The following ZFHX4 variants were observed in gnomAD, a reference collection of about 807,000 sequenced individuals.
ZFHX4 encodes zinc finger homeobox protein 4.
Under a neutral mutation model 267.6 loss-of-function variants are expected in ZFHX4, and 56 were observed. The observed-to-expected ratio is 0.21, with a 90% confidence interval of 0.17 to 0.26. The LOEUF is 0.26. Ranked by LOEUF, ZFHX4 falls within the 10% of genes least tolerant of loss-of-function variation. ZFHX4 has a pLI of 1.00. For synonymous variants in ZFHX4, 1,778 were observed against 1,665.6 expected, an observed-to-expected ratio of 1.07 and a Z score of -1.64; for missense variants, 4,332 against 4,420.0, an observed-to-expected ratio of 0.98 and a Z score of 0.56.
intron 5 of ZFHX4, among the ~76,000 whole-genome samples, chr8:76,835,245 A>ATATATGTATATATATATG (rs1195708125): frequency 1.5e-5 from 2 of 129,178 alleles, no homozygotes; most frequent in African/African-American, 6.1e-5. Flanking sequence ...ATATATGTAT[A>ATATATGTATATATATATG]TATATATATA....
chr8:76,751,455 C>G (rs575155526), intron 3 of ZFHX4, among the ~76,000 whole-genome samples: 1 of 152,298 alleles, frequency 6.6e-6, no homozygotes, highest in African/African-American at 2.4e-5. Flanking sequence ...CAGAATCCTT[C>G]TTGACACAGT....
chr8:76,794,969 G>A (rs969210590), intron 4 of ZFHX4, among the ~76,000 whole-genome samples: 9 of 151,154 alleles, frequency 6.0e-5, no homozygotes, highest in African/African-American at 1.9e-4. Context: ...TCACAATCAA[G>A]TTGTCTCTGG....
chr8:76,728,849 A>AT (rs1424904024), intron 3 of ZFHX4, among the ~76,000 whole-genome samples: 1 of 152,196 alleles, frequency 6.6e-6, no homozygotes, highest in Non-Finnish European at 1.5e-5. Flanking sequence ...AGTTCTATTA[A>AT]TTATTGAAAT....
intron 3 of ZFHX4, among the ~76,000 whole-genome samples, chr8:76,711,024 C>T (rs530164202): frequency 6.6e-6 from 1 of 152,092 alleles, no homozygotes; most frequent in African/African-American, 2.4e-5. Context: ...CAACACCTTT[C>T]CTTTTATATT....
intron 3 of ZFHX4, among the ~76,000 whole-genome samples, chr8:76,773,187 A>C (rs185278870): frequency 6.6e-6 from 1 of 152,250 alleles, no homozygotes; most frequent in African/African-American, 2.4e-5. Context: ...CAAACTCCAT[A>C]TGACTATTTC....
intron 4 of ZFHX4, among the ~76,000 whole-genome samples, chr8:76,819,696 C>T (rs1017454902): frequency 6.6e-6 from 1 of 152,166 alleles, no homozygotes; most frequent in African/African-American, 2.4e-5. Context: ...AACCGTTTCA[C>T]GGGTATCACA....
intron 4 of ZFHX4, among the ~76,000 whole-genome samples, chr8:76,784,936 A>G (rs1404731988): frequency 6.6e-6 from 1 of 152,088 alleles, no homozygotes; most frequent in Non-Finnish European, 1.5e-5. Flanking sequence ...ACAAAGTTCT[A>G]CAAAATAAAA....
intron 4 of ZFHX4, among the ~76,000 whole-genome samples, chr8:76,805,975 T>G (rs1413031440): frequency 6.6e-6 from 1 of 152,150 alleles, no homozygotes; most frequent in Non-Finnish European, 1.5e-5. Flanking sequence ...TGATCTATTG[T>G]AAAAAATACA....
At chr8:76,689,585 G>A (rs1019892413) in intron 1 of ZFHX4, among the ~76,000 whole-genome samples, 5 of 152,082 alleles carry the variant, frequency 3.3e-5, no homozygotes, top group African/African-American at 4.8e-5. Context: ...ATGAGGGCTC[G>A]ATGGCATTAT....
chr8:76,762,386 T>C (rs865850695), intron 3 of ZFHX4, among the ~76,000 whole-genome samples: 1 of 152,346 alleles, frequency 6.6e-6, no homozygotes, highest in Middle Eastern at 3.4e-3. Context: ...AATATCTCCC[T>C]GACATTCATA....
intron 3 of ZFHX4, among the ~76,000 whole-genome samples, chr8:76,759,732 A>G (rs1030203555): frequency 3.3e-5 from 5 of 152,202 alleles, no homozygotes; most frequent in Non-Finnish European, 7.4e-5. Flanking sequence ...TTTGAATTTT[A>G]TTCAATTTCA....
At chr8:76,755,792 A>G (rs973945323) in intron 3 of ZFHX4, among the ~76,000 whole-genome samples, 7 of 152,094 alleles carry the variant, frequency 4.6e-5, no homozygotes, top group African/African-American at 4.8e-5. Flanking sequence ...AGCAAGTATC[A>G]TTTGTTGCCT....
chr8:76,687,350 T>C (rs1807716915), intron 1 of ZFHX4, among the ~76,000 whole-genome samples: 1 of 152,198 alleles, frequency 6.6e-6, no homozygotes, highest in Non-Finnish European at 1.5e-5. Flanking sequence ...GTGTGAGAAT[T>C]TGCATATGCA....
intron 3 of ZFHX4, among the ~76,000 whole-genome samples, chr8:76,752,502 A>G (rs1585909640): frequency 2.7e-5 from 4 of 150,234 alleles, no homozygotes; most frequent in Admixed American, 1.3e-4. Flanking sequence ...AAAAAAAAAA[A>G]AAAAAAAGAA....
intron 1 of ZFHX4, among the ~76,000 whole-genome samples, chr8:76,702,153 C>G (rs1808121307): frequency 6.6e-6 from 1 of 152,084 alleles, no homozygotes; most frequent in Non-Finnish European, 1.5e-5. Flanking sequence ...AAGCTGTATG[C>G]ATGCCATAAG....
chr8:76,732,452 T>C (rs1047756407), intron 3 of ZFHX4, among the ~76,000 whole-genome samples: 4 of 151,844 alleles, frequency 2.6e-5, no homozygotes, highest in African/African-American at 9.7e-5. Context: ...TAGCTAAAAA[T>C]TAATAACAGC....
At chr8:76,724,146 G>T (rs936201340) in intron 3 of ZFHX4, among the ~76,000 whole-genome samples, 1 of 152,076 alleles carries the variant, frequency 6.6e-6, no homozygotes, top group Non-Finnish European at 1.5e-5. Context: ...TGAACCTGTT[G>T]TAAGTTTTAA....
chr8:76,814,744 C>T (rs1811462211), intron 4 of ZFHX4, among the ~76,000 whole-genome samples: 1 of 152,126 alleles, frequency 6.6e-6, no homozygotes, highest in Non-Finnish European at 1.5e-5. Context: ...AGCATCCTGC[C>T]TGCGTGGACA....
At chr8:76,785,327 T>G (rs1025113834) in intron 4 of ZFHX4, among the ~76,000 whole-genome samples, 1 of 152,122 alleles carries the variant, frequency 6.6e-6, no homozygotes, top group Non-Finnish European at 1.5e-5. Flanking sequence ...ATATTTATTC[T>G]TTAAATGTTG....
Sources: gnomAD v4.1 joint callset for allele counts (sites outside exome capture counted in the v4.1 genomes callset) on GRCh38, gnomAD v4.1.1 for gene constraint, MANE v1.5 for transcripts, NCBI Gene and HGNC (gene_info 2026-07-23, HGNC 2026-07-21) for gene names.